DDB1: variants seen among roughly 807,000 people sequenced by gnomAD.
The protein encoded by DDB1 is DNA damage-binding protein 1.
In DDB1, 18 loss-of-function variants were observed where a neutral mutation model predicts 133.1. The observed-to-expected ratio is 0.14, with a 90% confidence interval of 0.09 to 0.20. DDB1 has a LOEUF of 0.20. Ranked by LOEUF, DDB1 falls within the 10% of genes least tolerant of loss-of-function variation. The pLI is 1.00. For missense variants in DDB1, 828 were observed against 1,459.2 expected (o/e 0.57, Z 7.05); for synonymous variants, 580 against 550.5 (o/e 1.05, Z -0.75).
rs780477242 is a variant in DDB1, at chr11:61,314,173, T to C, written c.1627A>G (p.Ile543Val). 10 of 1,611,110 alleles carry C rather than the reference T, an allele frequency of 6.2e-6. No individual in the cohort carries two copies. Among genetic ancestry groups the C allele is most frequent in the South Asian group, 2.2e-5 (2 of 90,574 alleles). ...CCATTGCTGTCTCCTAATGGGGTGATGTCCAAGCAAGCCACTTCATGTTCC... is the reference window on the plus strand; with the variant it reads ...CCATTGCTGTCTCCTAATGGGGTGACGTCCAAGCAAGCCACTTCATGTTCC... ...EMEHEVACLD[I>V]TPLGDSNGLS... Residue 543 changes from isoleucine to valine, a missense_variant, in exon 14 of 27, where the codon ATC becomes GTC. Physicochemically the swap from Ile to Val is conservative, Grantham distance 29. Coordinates refer to ENST00000301764, the MANE Select transcript of DDB1 (RefSeq NM_001923.5).
At position 61,326,819 on chromosome 11, in the gene DDB1, T is replaced by C. The variant is rs767366078; in HGVS notation, c.624A>G (p.Lys208=). ...REKEFNKGPW[K]QENVEAEASM... ...AAGCTTCAGCTTCGACATTTTCCTG[T>C]TTCCAAGGGCCCTTATTGAATTCCT... is the stretch of plus-strand genomic sequence containing the variant. Residue 208 remains lysine, a synonymous_variant, in exon 5 of 27, where the codon AAA becomes AAG. Coordinates refer to ENST00000301764, the MANE Select transcript of DDB1 (RefSeq NM_001923.5). 9.3e-6 allele frequency: 15 copies of C among 1,613,960 alleles called. No homozygotes were observed. Among genetic ancestry groups the C allele is most frequent in the Admixed American group, 5.0e-5 (3 of 59,996 alleles).
chr11:61,332,139 CTG>C (rs765644990), intron 1 of DDB1: 5 of 166,438 alleles, frequency 3.0e-5, no homozygotes, highest in Non-Finnish European at 6.7e-5. Context: ...TATGAAAACA[CTG>C]TTTTGTCCAC....
rs764278309 is a variant in DDB1 at position 61,325,793 on chromosome 11, C to T, written c.665-85G>A. Reference sequence around the variant, plus strand: ...GGCAAAAGTACAGGTCTAGTTAGCCCCAAGGCAAACTTTAAGGTCATCATT... The same window carrying T: ...GGCAAAAGTACAGGTCTAGTTAGCCTCAAGGCAAACTTTAAGGTCATCATT... On this transcript the variant is annotated intron_variant, in intron 5 of 26. Transcript: ENST00000301764. The T allele has an allele frequency of 2.9e-6, 3 of 1,024,712 alleles. No individual in the cohort carries two copies. The East Asian group carries it at 7.5e-5, about 26-fold the overall frequency. The allele number at this position is 1,024,712 out of a possible 1,614,324, so 63.5% of individuals were successfully genotyped here.
chr11:61,310,503 G>T lies in DDB1; in HGVS notation c.2278-85C>A, dbSNP rs552487833. ...ATTGTGAAGGGACCCGTCAGATCAG[G>T]ACACAAAGGCTGCAGCTAGCCAAGA... On this transcript the variant is annotated intron_variant, in intron 18 of 26. Transcript: ENST00000301764. 4 of 1,437,582 alleles carry T rather than the reference G, an allele frequency of 2.8e-6. No individual in the cohort carries two copies. The South Asian group carries it at 6.1e-5, about 22-fold the overall frequency. The allele number at this position is 1,437,582 out of a possible 1,614,324, so 89.1% of individuals were successfully genotyped here.
intron 7 of DDB1, chr11:61,323,354 G>GTA (rs1284523983): frequency 4.5e-6 from 2 of 449,358 alleles, no homozygotes; most frequent in African/African-American, 2.0e-5. Flanking sequence ...TACTGCCTAA[G>GTA]TATTAATATT....
intron 23 of DDB1, 50 bp downstream of exon 23, chr11:61,302,996 C>A (rs760532945): frequency 3.9e-6 from 6 of 1,544,444 alleles, no homozygotes; most frequent in Non-Finnish European, 5.4e-6. Flanking sequence ...CACCAGAGAC[C>A]AAGGAACTCC....
chr11:61,322,431 G>C lies in DDB1; in HGVS notation c.1006-19C>G. ...CGTTGAGCTAATAAGAAAGAACAAT[G>C]TTATGTTAGTCCTAGAACACCCTAA... On this transcript the variant is annotated intron_variant, in intron 8 of 26. Transcript: ENST00000301764. 1 of 1,591,306 alleles carries C rather than the reference G, an allele frequency of 6.3e-7. No individual in the cohort carries two copies. Among genetic ancestry groups the C allele is most frequent in the Non-Finnish European group, 8.6e-7 (1 of 1,159,154 alleles).
chr11:61,310,322 G>C lies in DDB1; in HGVS notation c.2374C>G (p.Leu792Val). ...TCAAAGGTGTGTTGGTCAATGATAA[G>C]TAGGTTGTGCACCTCCACCTCTTCT... ...FGEEVEVHNL[L>V]IIDQHTFEVL... is the part of the protein sequence containing the mutation. Residue 792 changes from leucine to valine, a missense_variant, in exon 19 of 27, where the codon CTT becomes GTT. This residue lies in a region of DDB1 where 396 missense variants were observed against 554.1 expected (regional missense o/e 0.71). Coordinates refer to ENST00000301764, the MANE Select transcript of DDB1 (RefSeq NM_001923.5). 6.2e-7 allele frequency: 1 copy of C among 1,612,068 alleles called. No homozygotes were observed. Among genetic ancestry groups the C allele is most frequent in the South Asian group, 1.1e-5 (1 of 90,906 alleles).
rs1320803343 is a variant in DDB1, at chr11:61,311,258, A to AT, written c.2277+525_2277+526insA. On this transcript the variant is annotated intron_variant, in intron 18 of 26. Coordinates refer to ENST00000301764, the MANE Select transcript of DDB1 (RefSeq NM_001923.5). Reference sequence around the variant, plus strand: ...CAGGGTGAGACTCCGTCTCAATAACAAACATAACATAACATAACATAACAT... The same window carrying AT: ...CAGGGTGAGACTCCGTCTCAATAACATAACATAACATAACATAACATAACAT... 3 of 140,582 alleles carry AT rather than the reference A, an allele frequency of 2.1e-5. No individual in the cohort carries two copies. The East Asian group carries it at 6.4e-4, about 30-fold the overall frequency. 8.7% of individuals were successfully genotyped at this position (140,582 alleles called of 1,614,324 possible).
intron 2 of DDB1, among the ~76,000 whole-genome samples, chr11:61,331,081 G>C (rs907427304): frequency 6.6e-6 from 1 of 152,174 alleles, no homozygotes; most frequent in Non-Finnish European, 1.5e-5. Flanking sequence ...CCTAAAGTCA[G>C]AATTAACAAG....
rs376434790 is a variant in DDB1, at chr11:61,303,022, C to A, written c.2942+24G>T. ...AAGGAACTCCCAGCCCTCCCCACCA[C>A]TCCCAGAGCTGGCCACTACTCACCT... On this transcript the variant is annotated intron_variant, in intron 23 of 26. Transcript: ENST00000301764. 8.1e-6 allele frequency: 13 copies of A among 1,603,932 alleles called. No homozygotes were observed. The South Asian group carries it at 1.1e-4, about 14-fold the overall frequency.
intron 12 of DDB1, chr11:61,315,960 T>G (rs1321084252): frequency 1.0e-5 from 2 of 199,068 alleles, no homozygotes; most frequent in Non-Finnish European, 2.0e-5. Context: ...GGGAAAAAAT[T>G]TGAGTGTCTC....
intron 2 of DDB1, 104 bp from the exon 3 acceptor site, chr11:61,330,178 C>G (rs983019448): frequency 2.3e-5 from 20 of 882,648 alleles, no homozygotes; most frequent in Non-Finnish European, 3.5e-5. Context: ...CCAAATTCTT[C>G]TCTCCCTAAA....
In DDB1 at chr11:61,330,092, G is replaced by C; in HGVS notation, c.211-18C>G. On this transcript the variant is annotated intron_variant, in intron 2 of 26. Transcript: ENST00000301764. ...CTCTCCCCCTGGAAACCAATATTATGCTATCAAAAGAGGTTCTTTTTAAAA... is the reference window on the plus strand; with the variant it reads ...CTCTCCCCCTGGAAACCAATATTATCCTATCAAAAGAGGTTCTTTTTAAAA... 6.3e-7 allele frequency: 1 copy of C among 1,591,362 alleles called. No homozygotes were observed. The highest frequency in any genetic ancestry group is 8.6e-7 in the Non-Finnish European group (1 of 1,161,594).
At position 61,322,227 on chromosome 11, in the gene DDB1, T is replaced by C. The variant is rs188532401; in HGVS notation, c.1122+69A>G. 7.1e-5 allele frequency: 88 copies of C among 1,238,640 alleles called. No homozygotes were observed. The Admixed American group carries it at 1.5e-3, about 21-fold the overall frequency. 76.7% of individuals were successfully genotyped at this position (1,238,640 alleles called of 1,614,324 possible). On this transcript the variant is annotated intron_variant, in intron 9 of 26. Transcript: ENST00000301764. ...TTCAGTGCACCCTCCCCATTCTAGA[T>C]AAGCATAGCTAGGAGGACACAGTTT...
chr11:61,314,531 G>C, intron 12 of DDB1, 45 bp from the exon 13 acceptor site: 1 of 1,563,910 alleles, frequency 6.4e-7, no homozygotes. Context: ...CATCTGCCAG[G>C]GTCCACACAG....
rs758780089 is a variant in DDB1 at position 61,333,049 on chromosome 11, A to C, written c.-81T>G. Reference sequence around the variant, plus strand: ...CAAGCGAAAAGACAGGTGGCCCCCAACAGCGCGCAGCGAACTCCACTGCCG... The same window carrying C: ...CAAGCGAAAAGACAGGTGGCCCCCACCAGCGCGCAGCGAACTCCACTGCCG... On this transcript the variant is annotated 5_prime_UTR_variant, in exon 1 of 27. Transcript: ENST00000301764. The C allele has an allele frequency of 4.7e-5, 62 of 1,325,534 alleles. No homozygotes were observed. The highest frequency in any genetic ancestry group is 5.9e-5 in the Non-Finnish European group (59 of 993,132). 82.1% of individuals were successfully genotyped at this position (1,325,534 alleles called of 1,614,324 possible). A position where few individuals can be genotyped will look rare whatever the true frequency, so the allele number is the denominator to read the frequency against.
At position 61,333,081 on chromosome 11, in the gene DDB1, C is replaced by G; in HGVS notation, c.-113G>C. 9.8e-7 allele frequency: 1 copy of G among 1,023,644 alleles called. No individual in the cohort carries two copies. 63.4% of individuals were successfully genotyped at this position (1,023,644 alleles called of 1,614,324 possible). On this transcript the variant is annotated 5_prime_UTR_variant, in exon 1 of 27. Transcript: ENST00000301764. ...GCAGCGAACTCCACTGCCGCTGCCT[C>G]CGCCCCAGAGACACGTTGCAGGCCA...
intron 10 of DDB1, among the ~76,000 whole-genome samples, chr11:61,316,948 TATA>T (rs1856084772): frequency 2.5e-4 from 1 of 4,000 alleles, no homozygotes; most frequent in Non-Finnish European, 4.5e-4. Flanking sequence ...AAAGGATAGA[TATA>T]TATATATATA....
Sources: gnomAD v4.1 joint callset for allele counts (sites outside exome capture counted in the v4.1 genomes callset) on GRCh38, gnomAD v4.1.1 for gene constraint, gnomAD v4.1.1 regional missense constraint, MANE v1.5 for transcripts, NCBI Gene and HGNC (gene_info 2026-07-23, HGNC 2026-07-21) for gene names.